RARB: variants seen among roughly 807,000 people sequenced by gnomAD.
RARB encodes the protein HBV-activated protein.
Under a neutral mutation model 51.9 loss-of-function variants are expected in RARB, and 17 were observed. The observed-to-expected ratio is 0.33, with a 90% CI of 0.22 to 0.49. The LOEUF (loss-of-function observed/expected upper bound fraction) is 0.49. Ranked by LOEUF, RARB falls within the 20% of genes least tolerant of loss-of-function variation. The probability of loss-of-function intolerance (pLI) is 0.99; values close to 1 mark genes in which losing one functional copy is unlikely to be tolerated. For synonymous variants in RARB, 215 were observed against 195.4 expected, an observed-to-expected ratio of 1.10 and a Z score of -0.84; for missense variants, 369 against 550.8, an observed-to-expected ratio of 0.67 and a Z score of 3.30.
At chr3:25,125,229 T>G (rs1206729707) in intron 3 of RARB, among the ~76,000 whole-genome samples, 1 of 152,180 alleles carries the variant, frequency 6.6e-6, no homozygotes, top group Admixed American at 6.6e-5. Flanking sequence ...TCAGGGCATC[T>G]GAAATAAGAA....
intron 2 of RARB, among the ~76,000 whole-genome samples, chr3:24,996,329 G>C (rs1421160616): frequency 6.6e-6 from 1 of 151,794 alleles, no homozygotes; most frequent in Non-Finnish European, 1.5e-5. Context: ...TTCTGATTTT[G>C]TTTGGTTCTT....
chr3:25,074,964 T>G (rs942206181), intron 3 of RARB, among the ~76,000 whole-genome samples: 8 of 152,230 alleles, frequency 5.3e-5, no homozygotes, highest in East Asian at 1.9e-4. Context: ...TTCTATAGTT[T>G]CATGACATCT....
chr3:24,960,462 T>G (rs1003306099), intron 2 of RARB, among the ~76,000 whole-genome samples: 1 of 152,194 alleles, frequency 6.6e-6, no homozygotes, highest in African/African-American at 2.4e-5. Flanking sequence ...TGAGCAGACA[T>G]CCTGCCAGTT....
chr3:24,908,802 A>T (rs1377979373), intron 2 of RARB, among the ~76,000 whole-genome samples: 1 of 151,942 alleles, frequency 6.6e-6, no homozygotes, highest in Non-Finnish European at 1.5e-5. Flanking sequence ...TAAACCATTG[A>T]CATGAACATA....
At chr3:25,242,774 T>C (rs1291664490) in intron 5 of RARB, among the ~76,000 whole-genome samples, 1 of 152,178 alleles carries the variant, frequency 6.6e-6, no homozygotes, top group Non-Finnish European at 1.5e-5. Flanking sequence ...TTGCTTAAGA[T>C]TGTGTTGGCT....
chr3:25,253,780 T>C (rs145722390), intron 5 of RARB, among the ~76,000 whole-genome samples: 4,917 of 152,250 alleles, frequency 0.032, 100 homozygotes, highest in Middle Eastern at 0.048. Context: ...GGTTACATTA[T>C]TTGAAGCGTA....
At chr3:25,508,605 A>G (rs1449449151) in intron 3 of RARB, among the ~76,000 whole-genome samples, 1 of 152,106 alleles carries the variant, frequency 6.6e-6, no homozygotes. Flanking sequence ...TGTCTTTCTA[A>G]TTTTAGTTTA....
At chr3:24,908,174 A>G (rs1009212415) in intron 2 of RARB, among the ~76,000 whole-genome samples, 1 of 152,140 alleles carries the variant, frequency 6.6e-6, no homozygotes, top group Non-Finnish European at 1.5e-5. Flanking sequence ...AAAAGCACTG[A>G]TTCTTGTTCA....
intron 2 of RARB, among the ~76,000 whole-genome samples, chr3:25,038,276 T>C (rs1372680648): frequency 6.6e-6 from 1 of 152,290 alleles, no homozygotes; most frequent in East Asian, 1.9e-4. Flanking sequence ...TGAAGTTGTG[T>C]ATAACATATA....
chr3:25,214,162 A>G (rs1043357248), intron 5 of RARB, among the ~76,000 whole-genome samples: 10 of 152,188 alleles, frequency 6.6e-5, no homozygotes, highest in African/African-American at 2.2e-4. Context: ...TGAAAGTTTG[A>G]AACTCAGGCC....
At chr3:25,125,947 G>A (rs1166517468) in intron 3 of RARB, among the ~76,000 whole-genome samples, 1 of 152,142 alleles carries the variant, frequency 6.6e-6, no homozygotes, top group Admixed American at 6.5e-5. Flanking sequence ...AAACCAGACT[G>A]AGGGTGGGAG....
chr3:25,287,169 C>T (rs1703676608), intron 5 of RARB, among the ~76,000 whole-genome samples: 1 of 152,212 alleles, frequency 6.6e-6, no homozygotes, highest in African/African-American at 2.4e-5. Flanking sequence ...AAATGCATAA[C>T]ATCTTGAACA....
At chr3:25,298,792 A>T (rs1470453502) in intron 5 of RARB, among the ~76,000 whole-genome samples, 1 of 152,138 alleles carries the variant, frequency 6.6e-6, no homozygotes, top group African/African-American at 2.4e-5. Context: ...TACGTTTACA[A>T]CCTGATTCAT....
At chr3:24,905,885 G>A (rs1039635121) in intron 2 of RARB, among the ~76,000 whole-genome samples, 13 of 152,150 alleles carry the variant, frequency 8.5e-5, no homozygotes, top group Non-Finnish European at 1.5e-5. Context: ...ATTTTACCAT[G>A]ATTATATTTC....
At chr3:24,984,273 A>G (rs964173337) in intron 2 of RARB, among the ~76,000 whole-genome samples, 15 of 152,242 alleles carry the variant, frequency 9.9e-5, no homozygotes, top group African/African-American at 3.6e-4. Flanking sequence ...CAACATGGAA[A>G]TGCACATAAA....
intron 3 of RARB, among the ~76,000 whole-genome samples, chr3:25,565,352 G>A (rs1397979686): frequency 6.6e-6 from 1 of 152,140 alleles, no homozygotes; most frequent in African/African-American, 2.4e-5. Flanking sequence ...AAGGCTTTAT[G>A]ATAGTTGTAA....
At chr3:25,505,318 G>A (rs1465947481) in intron 3 of RARB, among the ~76,000 whole-genome samples, 4 of 152,136 alleles carry the variant, frequency 2.6e-5, no homozygotes, top group Admixed American at 6.5e-5. Context: ...GCGTGCCATA[G>A]GAAGCAGCGT....
intron 3 of RARB, among the ~76,000 whole-genome samples, chr3:25,074,518 C>T (rs535294631): frequency 1.3e-5 from 2 of 152,274 alleles, no homozygotes; most frequent in East Asian, 1.9e-4. Context: ...TCACATGCCA[C>T]ATCTACATAG....
chr3:25,193,930 T>A (rs1184337728), intron 5 of RARB, among the ~76,000 whole-genome samples: 1 of 151,992 alleles, frequency 6.6e-6, no homozygotes, highest in East Asian at 1.9e-4. Context: ...GATGATTATT[T>A]AGCTACACAA....
Sources: allele counts gnomAD v4.1 joint callset (sites outside exome capture counted in the v4.1 genomes callset), GRCh38; gene constraint gnomAD v4.1.1; transcripts MANE v1.5; gene names NCBI Gene and HGNC (gene_info 2026-07-23, HGNC 2026-07-21).